Variants in FAM149A observed in about 807,000 individuals in gnomAD.
FAM149A encodes protein FAM149A.
FAM149A carries 71 observed loss-of-function variants against 78.2 expected under a neutral mutation model. The observed-to-expected ratio is 0.91, with a 90% CI of 0.75 to 1.11. The LOEUF (loss-of-function observed/expected upper bound fraction) is 1.11. Among genes scored for constraint, FAM149A ranks in the 50% least tolerant of loss-of-function variants. FAM149A has a pLI of 0.00. For missense variants in FAM149A, 1,036 were observed against 971.0 expected (o/e 1.07, Z -0.89); for synonymous variants, 446 against 410.5 (o/e 1.09, Z -1.04).
intron 8 of FAM149A, among the ~76,000 whole-genome samples, chr4:186,159,501 G>A (rs1161841335): frequency 2.0e-5 from 3 of 152,126 alleles, no homozygotes; most frequent in Non-Finnish European, 2.9e-5. Context: ...CTGCAGCATA[G>A]TGGCAAGAAC....
At position 186,172,404 on chromosome 4, in the gene FAM149A, A is replaced by G. The variant is rs1049443398; in HGVS notation, c.*417A>G. The G allele has an allele frequency of 4.4e-5, 5 of 113,316 alleles. 2 individuals are homozygous for G. Among genetic ancestry groups the G allele is most frequent in the Admixed American group, 1.7e-4 (2 of 11,634 alleles). 7.0% of individuals were successfully genotyped at this position (113,316 alleles called of 1,614,324 possible). A position where few individuals can be genotyped will look rare whatever the true frequency, so the allele number is the denominator to read the frequency against. On this transcript the variant is annotated 3_prime_UTR_variant, in exon 14 of 14. Coordinates refer to ENST00000389354, the MANE Select transcript of FAM149A (RefSeq NM_001367768.3). ...TCTCACCCTATTAGTAATTCTGTCA[A>G]AATCCTAGACGCTAGTAGATATTAG...
chr4:186,123,437 G>A (rs2099316924), intron 1 of FAM149A: 23 of 915,718 alleles, frequency 2.5e-5, no homozygotes, highest in Non-Finnish European at 3.0e-5. Context: ...GTTCTTGCTG[G>A]ATATGCAGAA....
At chr4:186,139,015 AT>A (rs2099324686) in intron 1 of FAM149A, among the ~76,000 whole-genome samples, 1 of 152,030 alleles carries the variant, frequency 6.6e-6, no homozygotes, top group Admixed American at 6.5e-5. Context: ...CCATTTATTT[AT>A]TTATTTGTTT....
At chr4:186,134,969 T>G (rs1296237321) in intron 1 of FAM149A, among the ~76,000 whole-genome samples, 1 of 152,218 alleles carries the variant, frequency 6.6e-6, no homozygotes, top group Non-Finnish European at 1.5e-5. Flanking sequence ...GAGGACAGAA[T>G]GTATAACAGA....
intron 1 of FAM149A, among the ~76,000 whole-genome samples, chr4:186,130,440 T>A (rs1220610664): frequency 2.0e-5 from 3 of 151,546 alleles, no homozygotes; most frequent in Admixed American, 2.0e-4. Context: ...ACGGGCATGA[T>A]CTCAGCTCAC....
intron 3 of FAM149A, among the ~76,000 whole-genome samples, chr4:186,150,495 C>A: frequency 7.5e-6 from 1 of 132,584 alleles, no homozygotes; most frequent in African/African-American, 2.8e-5. Context: ...TCTCGGCTCA[C>A]TGCAAGCTCC....
In FAM149A at chr4:186,104,765, G is replaced by GGGCGGCGGGCGTCT. The variant is rs1462107563; in HGVS notation, c.-308_-307insGCGGGCGTCTGGCG. On this transcript the variant is annotated 5_prime_UTR_variant, in exon 1 of 14. Coordinates refer to ENST00000389354, the MANE Select transcript of FAM149A (RefSeq NM_001367768.3). ...CCGCGGGCGGCGGGCGGCGGGCGGCGGGCGTCTGGGGCGGGCGGCGGCCGC... is the reference window on the plus strand; with the variant it reads ...CCGCGGGCGGCGGGCGGCGGGCGGCGGGCGGCGGGCGTCTGGCGTCTGGGGCGGGCGGCGGCCGC... Among the ~76,000 whole-genome samples the GGGCGGCGGGCGTCT allele has an allele frequency of 5.7e-5, 8 of 141,446 alleles. No individual in the cohort carries two copies. In the South Asian group the frequency reaches 1.1e-3, roughly 20 times the overall value. The allele number at this position is 141,446 out of a possible 152,430, so 92.8% of individuals were successfully genotyped here. A position where few individuals can be genotyped will look rare whatever the true frequency, so the allele number is the denominator to read the frequency against.
At chr4:186,141,780 G>A (rs2099325893) in intron 1 of FAM149A, among the ~76,000 whole-genome samples, 1 of 152,192 alleles carries the variant, frequency 6.6e-6, no homozygotes, top group South Asian at 2.1e-4. Flanking sequence ...ATTTAGGGGT[G>A]TCTCATAGAT....
chr4:186,130,762 T>C (rs2099320470), intron 1 of FAM149A, among the ~76,000 whole-genome samples: 2 of 151,938 alleles, frequency 1.3e-5, no homozygotes, highest in African/African-American at 4.8e-5. Context: ...AGATATGAGA[T>C]GGATTGAAAA....
intron 8 of FAM149A, among the ~76,000 whole-genome samples, chr4:186,160,387 C>T (rs1440727211): frequency 2.1e-5 from 3 of 142,618 alleles, no homozygotes; most frequent in African/African-American, 8.1e-5. Flanking sequence ...ACACACACCA[C>T]TCACACACAC....
In FAM149A at chr4:186,136,912, T is replaced by C. The variant is rs2099322962; in HGVS notation, c.567-12261T>C. On this transcript the variant is annotated intron_variant, in intron 1 of 13. Transcript: ENST00000389354. ...AGCAGTGCCCCCTTCGAAGAATGATTGTGAAGCTCAAATACACTGATTGAT... is the reference window on the plus strand; with the variant it reads ...AGCAGTGCCCCCTTCGAAGAATGATCGTGAAGCTCAAATACACTGATTGAT... 4.7e-5 allele frequency among the ~76,000 whole-genome samples: 7 copies of C among 149,452 alleles called. No individual in the cohort carries two copies. In the South Asian group the frequency reaches 1.3e-3, roughly 27 times the overall value.
At position 186,104,969 on chromosome 4, in the gene FAM149A, C is replaced by T. The variant is rs1485677716; in HGVS notation, c.-108C>T. Reference sequence around the variant, plus strand: ...AGGGAGCCAGGGGCCTCCGGGGCTCCGGGTGCGGGGACCTCAGGCTCCTCG... The same window carrying T: ...AGGGAGCCAGGGGCCTCCGGGGCTCTGGGTGCGGGGACCTCAGGCTCCTCG... On this transcript the variant is annotated 5_prime_UTR_variant, in exon 1 of 14. Transcript: ENST00000389354. 1.7e-6 allele frequency: 2 copies of T among 1,182,298 alleles called. No homozygotes were observed. The highest frequency in any genetic ancestry group is 1.7e-5 in the African/African-American group (1 of 59,184). 73.2% of individuals were successfully genotyped at this position (1,182,298 alleles called of 1,614,324 possible). A position where few individuals can be genotyped will look rare whatever the true frequency, so the allele number is the denominator to read the frequency against.
Position 186,105,448 on chromosome 4 carries a change from G to A in FAM149A, c.372G>A (p.Val124=), listed in dbSNP as rs1430911250. The A allele has an allele frequency of 3.3e-6, 4 of 1,215,982 alleles. No homozygotes were observed. Among genetic ancestry groups the A allele is most frequent in the Non-Finnish European group, 4.2e-6 (4 of 958,844 alleles). 75.3% of individuals were successfully genotyped at this position (1,215,982 alleles called of 1,614,324 possible). Reference sequence around the variant, plus strand: ...GGGGCTGCTCCCCTGCTCGCCTGGTGGTCCCAGCGCGGCCGCCCTCGGGCC... The same window carrying A: ...GGGGCTGCTCCCCTGCTCGCCTGGTAGTCCCAGCGCGGCCGCCCTCGGGCC... Residue 124 remains valine (V), a synonymous_variant, in exon 1 of 14, where the codon GTG becomes GTA. Coordinates refer to ENST00000389354, the MANE Select transcript of FAM149A (RefSeq NM_001367768.3).
At chr4:186,159,941 G>GACACACACCACACCACTCAT (rs1299784380) in intron 8 of FAM149A, among the ~76,000 whole-genome samples, 1 of 138,022 alleles carries the variant, frequency 7.2e-6, no homozygotes, top group Non-Finnish European at 1.6e-5. Context: ...ACCACACACA[G>GACACACACCACACCACTCAT]ACACACACCA....
chr4:186,151,299 T>C (rs1389516448), intron 3 of FAM149A, among the ~76,000 whole-genome samples: 3 of 152,220 alleles, frequency 2.0e-5, no homozygotes, highest in Non-Finnish European at 2.9e-5. Context: ...TCTAGGATTC[T>C]TTTAGTACAA....
intron 1 of FAM149A, among the ~76,000 whole-genome samples, chr4:186,136,785 G>A (rs1300132396): frequency 6.6e-6 from 1 of 152,134 alleles, no homozygotes; most frequent in Non-Finnish European, 1.5e-5. Flanking sequence ...GCTGCAGGTG[G>A]GGTGCTCAAC....
At chr4:186,165,256 CAT>C in intron 10 of FAM149A, 86 bp from the exon 11 acceptor site, 1 of 1,467,916 alleles carries the variant, frequency 6.8e-7, no homozygotes, top group South Asian at 1.2e-5. Context: ...CACGCAGAAA[CAT>C]TGAAATCACA....
chr4:186,141,941 G>A (rs1260653319), intron 1 of FAM149A, among the ~76,000 whole-genome samples: 1 of 152,216 alleles, frequency 6.6e-6, no homozygotes, highest in Non-Finnish European at 1.5e-5. Context: ...CAAGGTATTG[G>A]CAGAGTGATG....
chr4:186,146,689 G>T (rs1276457167), intron 1 of FAM149A: 1 of 768,174 alleles, frequency 1.3e-6, no homozygotes. Context: ...GCTCCGTTTG[G>T]CGGTGAAAAC....
Sources: gnomAD v4.1 joint callset for allele counts (sites outside exome capture counted in the v4.1 genomes callset) on GRCh38, gnomAD v4.1.1 for gene constraint, MANE v1.5 for transcripts, NCBI Gene and HGNC (gene_info 2026-07-23, HGNC 2026-07-21) for gene names.